Variants in TENM1 observed in about 807,000 individuals in gnomAD.
The protein encoded by TENM1 is teneurin-1.
Under a neutral mutation model 174.8 loss-of-function variants are expected in TENM1, and 35 were observed. The observed-to-expected ratio is 0.20, with a 90% confidence interval of 0.15 to 0.27. TENM1 has a LOEUF of 0.27. TENM1 is among the 10% of genes least tolerant of loss of function. The probability of loss-of-function intolerance (pLI) is 1.00; values close to 1 mark genes in which losing one functional copy is unlikely to be tolerated. For missense variants in TENM1, 1,633 were observed against 2,130.1 expected (o/e 0.77, Z 4.59); for synonymous variants, 781 against 798.7 (o/e 0.98, Z 0.37).
intron 3 of TENM1, among the ~76,000 whole-genome samples, chrX:124,855,059 T>C (rs1411607162): frequency 2.7e-5 from 3 of 111,730 alleles, no homozygotes; most frequent in African/African-American, 6.5e-5. Flanking sequence ...ATAGTCTTAT[T>C]ACCTATATAA....
rs138723604 is a variant in TENM1, at chrX:124,825,043, T to C, written c.535+69253A>G. Among the ~76,000 whole-genome samples the C allele has an allele frequency of 7.1e-4, 78 of 110,373 alleles. 1 individual carries two copies. In the East Asian group the frequency reaches 0.021, roughly 30 times the overall value. On this transcript the variant is annotated intron_variant, in intron 3 of 31. Transcript: ENST00000422452. ...AAGTAAAAATGATGAAATGGGAACG[T>C]GACGAGACACAGGAAAGTAAGGAAA...
chrX:124,695,181 C>T (rs1165068257), intron 5 of TENM1, among the ~76,000 whole-genome samples: 3 of 110,727 alleles, frequency 2.7e-5, no homozygotes, highest in Admixed American at 9.6e-5. Context: ...TGGACTGGAG[C>T]GTTCATGGTC....
At chrX:124,807,433 C>T (rs1337440974) in intron 3 of TENM1, among the ~76,000 whole-genome samples, 1 of 111,587 alleles carries the variant, frequency 9.0e-6, no homozygotes, top group Non-Finnish European at 1.9e-5. Context: ...ATCTTGTTTA[C>T]AAGAAATGCT....
intron 3 of TENM1, among the ~76,000 whole-genome samples, chrX:124,764,862 T>A (rs2054505607): frequency 1.8e-5 from 2 of 110,896 alleles, no homozygotes; most frequent in Non-Finnish European, 3.8e-5. Flanking sequence ...ACTGCAACAT[T>A]TGCCATTCAA....
At chrX:124,488,625 C>CT (rs2047001902) in intron 20 of TENM1, among the ~76,000 whole-genome samples, 2 of 112,280 alleles carry the variant, frequency 1.8e-5, no homozygotes, top group Admixed American at 1.9e-4. Context: ...TCTCTAGAAA[C>CT]TTTCATTTGC....
At chrX:124,788,625 A>G (rs775129127) in intron 3 of TENM1, among the ~76,000 whole-genome samples, 1 of 112,703 alleles carries the variant, frequency 8.9e-6, no homozygotes, top group African/African-American at 3.2e-5. Flanking sequence ...GCCCCATGCA[A>G]GTTTGAAATC....
At chrX:124,905,443 C>T (rs898320340) in intron 1 of TENM1, among the ~76,000 whole-genome samples, 2 of 111,862 alleles carry the variant, frequency 1.8e-5, no homozygotes, top group Admixed American at 9.5e-5. Context: ...AGAAGACTTC[C>T]ACTTGCAAAC....
chrX:125,086,125 T>G, the TENM1 span, among the ~76,000 whole-genome samples: 6 of 110,878 alleles, frequency 5.4e-5, no homozygotes, highest in Non-Finnish European at 9.5e-5. Flanking sequence ...CCCCTTTGCT[T>G]ATGATGTTTT....
intron 1 of TENM1, among the ~76,000 whole-genome samples, chrX:124,930,958 G>A (rs1430600638): frequency 9.0e-6 from 1 of 111,695 alleles, no homozygotes; most frequent in Admixed American, 9.5e-5. Context: ...GTCTTTTAGA[G>A]TTATGAGAAG....
exon 16 of TENM1, chrX:124,529,909 A>C (rs1276832914): frequency 8.3e-7 from 1 of 1,211,349 alleles, no homozygotes; most frequent in South Asian, 1.8e-5. Context: ...ACTGTGGTGC[A>C]AGAAACTGAC....
At chrX:124,794,457 T>C (rs913709838) in intron 3 of TENM1, among the ~76,000 whole-genome samples, 4 of 111,753 alleles carry the variant, frequency 3.6e-5, no homozygotes, top group African/African-American at 1.3e-4. Flanking sequence ...GATTTCTCCT[T>C]GTGCCTTAAC....
intron 5 of TENM1, among the ~76,000 whole-genome samples, chrX:124,675,975 G>T (rs1033429918): frequency 9.4e-6 from 1 of 106,921 alleles, no homozygotes. Flanking sequence ...CATGAAGTGT[G>T]TGAGAAATAC....
At chrX:124,485,987 T>G (rs2046944664) in intron 21 of TENM1, among the ~76,000 whole-genome samples, 1 of 111,920 alleles carries the variant, frequency 8.9e-6, no homozygotes, top group Non-Finnish European at 1.9e-5. Context: ...AAGTGAAATC[T>G]AATCAATGTT....
At chrX:124,794,048 A>G (rs1442389962) in intron 3 of TENM1, among the ~76,000 whole-genome samples, 1 of 110,506 alleles carries the variant, frequency 9.0e-6, no homozygotes, top group African/African-American at 3.3e-5. Context: ...TCCCAACGGA[A>G]CTCATTCACC....
intron 11 of TENM1, among the ~76,000 whole-genome samples, chrX:124,605,783 T>C (rs1423597210): frequency 8.9e-6 from 1 of 111,810 alleles, no homozygotes; most frequent in Non-Finnish European, 1.9e-5. Flanking sequence ...CATTAATAAA[T>C]GCACAGTTTC....
intron 27 of TENM1, among the ~76,000 whole-genome samples, chrX:124,398,463 T>C (rs2060363389): frequency 9.0e-6 from 1 of 110,741 alleles, no homozygotes; most frequent in Admixed American, 9.6e-5. Context: ...CAGCCTCTAA[T>C]ATTTCACCTG....
intron 1 of TENM1, among the ~76,000 whole-genome samples, chrX:124,902,871 GGCAGTGA>G (rs1418596807): frequency 8.9e-6 from 1 of 112,442 alleles, no homozygotes; most frequent in Non-Finnish European, 1.9e-5. Flanking sequence ...TGCTATACTA[GGCAGTGA>G]GCAGAGTGAG....
intron 14 of TENM1, among the ~76,000 whole-genome samples, chrX:124,559,725 G>A: frequency 9.0e-6 from 1 of 111,311 alleles, no homozygotes; most frequent in Non-Finnish European, 1.9e-5. Flanking sequence ...TTCACATAAG[G>A]GGCTCAGCAC....
intron 22 of TENM1, among the ~76,000 whole-genome samples, chrX:124,466,882 G>C (rs184387021): frequency 9.0e-6 from 1 of 111,623 alleles, no homozygotes; most frequent in East Asian, 2.8e-4. Context: ...ACCAATATAG[G>C]TAAGCTTAGC....
Sources: allele counts gnomAD v4.1 joint callset (sites outside exome capture counted in the v4.1 genomes callset), GRCh38; gene constraint gnomAD v4.1.1; transcripts MANE v1.5; gene names NCBI Gene and HGNC (gene_info 2026-07-23, HGNC 2026-07-21).